The following RAP1GAP2 variants were observed in gnomAD, a reference collection of about 807,000 sequenced individuals.
The protein encoded by RAP1GAP2 is rap1 GTPase-activating protein 2.
Under a neutral mutation model 95.0 loss-of-function variants are expected in RAP1GAP2, and 27 were observed. The ratio of observed to expected loss-of-function variants is 0.28; its 90% CI spans 0.21 to 0.39. RAP1GAP2 has a LOEUF of 0.39. Ranked by LOEUF, RAP1GAP2 falls within the 10% of genes least tolerant of loss-of-function variation. The pLI is 1.00. For missense variants in RAP1GAP2, 771 were observed against 970.0 expected, an observed-to-expected ratio of 0.79 and a Z score of 2.72; for synonymous variants, 373 against 380.9, an observed-to-expected ratio of 0.98 and a Z score of 0.24.
intron 19 of RAP1GAP2, among the ~76,000 whole-genome samples, chr17:3,023,994 T>A (rs4790112): frequency 0.4 from 60,672 of 152,094 alleles, 12,478 homozygotes; most frequent in East Asian, 0.54. Context: ...CTCATTCTTT[T>A]TTATGGCTGC....
intron 2 of RAP1GAP2, among the ~76,000 whole-genome samples, chr17:2,868,315 C>T (rs1189768464): frequency 2.0e-5 from 3 of 152,234 alleles, no homozygotes; most frequent in Non-Finnish European, 2.9e-5. Flanking sequence ...GAGATAGGCA[C>T]CTCTAGATGG....
chr17:2,969,452 A>C (rs1157397612), intron 8 of RAP1GAP2, among the ~76,000 whole-genome samples: 1 of 150,906 alleles, frequency 6.6e-6, no homozygotes, highest in East Asian at 1.9e-4. Context: ...CACACACAAT[A>C]AATAAATAAA....
chr17:2,805,363 A>C (rs2069468882), intron 2 of RAP1GAP2, among the ~76,000 whole-genome samples: 1 of 151,484 alleles, frequency 6.6e-6, no homozygotes. Flanking sequence ...CTTGTCCTTT[A>C]TTTCTTTTTT....
intron 2 of RAP1GAP2, among the ~76,000 whole-genome samples, chr17:2,829,317 G>A (rs891522409): frequency 6.6e-6 from 1 of 152,108 alleles, no homozygotes; most frequent in African/African-American, 2.4e-5. Context: ...CTCAGATGGA[G>A]CGGGTGGTGA....
intron 2 of RAP1GAP2, among the ~76,000 whole-genome samples, chr17:2,813,967 AAAAG>A (rs1489775967): frequency 6.6e-6 from 1 of 152,020 alleles, no homozygotes; most frequent in Non-Finnish European, 1.5e-5. Context: ...CATCTCAAAA[AAAAG>A]AAAAAAGAAA....
rs1369128769 is a variant in RAP1GAP2 at position 2,921,568 on chromosome 17, A to G, written c.165+16200A>G. ...GAATTAAGGTGTCAGCAGGGCCGTT[A>G]AAGTGTCCGCAGGGCCTTTAAGGTG... is the stretch of plus-strand genomic sequence containing the variant. On this transcript the variant is annotated intron_variant, in intron 3 of 24. Transcript: ENST00000254695. Among the ~76,000 whole-genome samples the G allele has an allele frequency of 2.0e-5, 3 of 151,894 alleles. No individual in the cohort carries two copies. In the East Asian group the frequency reaches 5.8e-4, roughly 29 times the overall value.
At position 2,853,962 on chromosome 17, in the gene RAP1GAP2, G is replaced by A. The variant is rs918530296; in HGVS notation, c.81-51322G>A. ...CGGAGCCGGGGCTGCGGGGACGCGG[G>A]CGGGCGAGGTCGGGCACCGCGGGCG... On this transcript the variant is annotated intron_variant, in intron 2 of 24. Coordinates refer to ENST00000254695, the MANE Select transcript of RAP1GAP2 (RefSeq NM_015085.5). The A allele has an allele frequency of 5.1e-6, 5 of 983,418 alleles. No homozygotes were observed. In the African/African-American group the frequency reaches 5.3e-5, roughly 10 times the overall value. 60.9% of individuals were successfully genotyped at this position (983,418 alleles called of 1,614,324 possible).
chr17:2,938,418 C>T (rs1342864046), intron 3 of RAP1GAP2, among the ~76,000 whole-genome samples: 1 of 152,022 alleles, frequency 6.6e-6, no homozygotes, highest in African/African-American at 2.4e-5. Flanking sequence ...GAACCGAGGG[C>T]CCTGGATGGG....
intron 12 of RAP1GAP2, among the ~76,000 whole-genome samples, chr17:2,992,442 G>C (rs2045795953): frequency 6.6e-6 from 1 of 152,174 alleles, no homozygotes; most frequent in South Asian, 2.1e-4. Flanking sequence ...TTACAGGCGT[G>C]AGCCACCGTG....
chr17:2,886,766 C>T (rs1055866577), intron 2 of RAP1GAP2, among the ~76,000 whole-genome samples: 2 of 152,134 alleles, frequency 1.3e-5, no homozygotes, highest in African/African-American at 4.8e-5. Context: ...GCTCAGCACA[C>T]CAGAGCGGCA....
chr17:2,782,141 C>G (rs1368188661), intron 1 of RAP1GAP2, among the ~76,000 whole-genome samples: 1 of 152,198 alleles, frequency 6.6e-6, no homozygotes, highest in Non-Finnish European at 1.5e-5. Flanking sequence ...TCTGCCATGC[C>G]CCATCCCGCC....
At chr17:2,947,892 C>T (rs978526073) in intron 3 of RAP1GAP2, among the ~76,000 whole-genome samples, 5 of 152,142 alleles carry the variant, frequency 3.3e-5, no homozygotes, top group African/African-American at 9.7e-5. Flanking sequence ...CTCACTCTGA[C>T]CTGTTTGCTT....
chr17:2,978,031 CAT>C (rs1255771738), intron 8 of RAP1GAP2, among the ~76,000 whole-genome samples: 7 of 152,174 alleles, frequency 4.6e-5, no homozygotes, highest in African/African-American at 7.2e-5. Flanking sequence ...TTCACCCACA[CAT>C]GTCATCCTCT....
chr17:2,949,698 C>CT, intron 3 of RAP1GAP2, among the ~76,000 whole-genome samples: 1 of 152,022 alleles, frequency 6.6e-6, no homozygotes, highest in Non-Finnish European at 1.5e-5. Context: ...TGAGTGCCTG[C>CT]TATGTGCCCT....
At chr17:2,944,176 A>AC (rs2043621928) in intron 3 of RAP1GAP2, among the ~76,000 whole-genome samples, 1 of 151,738 alleles carries the variant, frequency 6.6e-6, no homozygotes, top group South Asian at 2.1e-4. Context: ...AAAAAAAAAA[A>AC]AAAAAAACCA....
chr17:2,766,353 C>T (rs1234260976), intron 1 of RAP1GAP2, among the ~76,000 whole-genome samples: 3 of 152,058 alleles, frequency 2.0e-5, no homozygotes, highest in Non-Finnish European at 2.9e-5. Context: ...AAAGTGGAGC[C>T]CACATCCAGA....
chr17:2,910,718 A>G (rs188676596), intron 3 of RAP1GAP2, among the ~76,000 whole-genome samples: 1 of 152,230 alleles, frequency 6.6e-6, no homozygotes, highest in Admixed American at 6.5e-5. Flanking sequence ...AATAAGTTAC[A>G]TTCTTTATTT....
At chr17:2,980,255 A>G in intron 8 of RAP1GAP2, 32 bp from the exon 9 acceptor site, 10 of 1,609,818 alleles carry the variant, frequency 6.2e-6, no homozygotes, top group Non-Finnish European at 8.5e-6. Context: ...ACTGTTTCTT[A>G]GGGATGTCCT....
At chr17:2,860,692 C>T (rs1450555275) in intron 2 of RAP1GAP2, among the ~76,000 whole-genome samples, 1 of 149,596 alleles carries the variant, frequency 6.7e-6, no homozygotes, top group Non-Finnish European at 1.5e-5. Flanking sequence ...CAGCCTCCGC[C>T]TCCTGGGTTC....
Sources: allele counts gnomAD v4.1 joint callset (sites outside exome capture counted in the v4.1 genomes callset), GRCh38; gene constraint gnomAD v4.1.1; transcripts MANE v1.5; gene names NCBI Gene and HGNC (gene_info 2026-07-23, HGNC 2026-07-21).